PTPRN2: variants seen among roughly 807,000 people sequenced by gnomAD.
PTPRN2 encodes the protein protein tyrosine phosphatase receptor type N2, also known as receptor-type tyrosine-protein phosphatase N2.
Under a neutral mutation model 118.8 loss-of-function variants are expected in PTPRN2, and 74 were observed. That is an observed-to-expected ratio of 0.62 (90% CI 0.52 to 0.76). PTPRN2 has a LOEUF of 0.76. PTPRN2 is among the 30% of genes least tolerant of loss of function. The pLI is 0.00. For missense variants in PTPRN2, 1,481 were observed against 1,394.4 expected (o/e 1.06, Z -0.99); for synonymous variants, 641 against 608.0 (o/e 1.05, Z -0.80).
chr7:158,384,643 T>C (rs1811195123), intron 2 of PTPRN2, among the ~76,000 whole-genome samples: 1 of 152,132 alleles, frequency 6.6e-6, no homozygotes, highest in Non-Finnish European at 1.5e-5. Flanking sequence ...GCCAGAAGGG[T>C]GTTTGTGGGA....
chr7:158,583,793 C>G (rs1371625575), intron 1 of PTPRN2, among the ~76,000 whole-genome samples: 1 of 152,166 alleles, frequency 6.6e-6, no homozygotes, highest in Non-Finnish European at 1.5e-5. Flanking sequence ...CAGGGAACAA[C>G]AGGCAGAGAA....
intron 2 of PTPRN2, among the ~76,000 whole-genome samples, chr7:158,468,569 C>T (rs1278289803): frequency 6.6e-6 from 1 of 151,442 alleles, no homozygotes; most frequent in Non-Finnish European, 1.5e-5. Flanking sequence ...CCAGGTGTTT[C>T]CAGGTGTTAC....
intron 3 of PTPRN2, among the ~76,000 whole-genome samples, chr7:158,314,588 C>T (rs531430280): frequency 6.6e-6 from 1 of 152,268 alleles, no homozygotes; most frequent in Non-Finnish European, 1.5e-5. Flanking sequence ...GCCCTGGAGG[C>T]TCCCGTGGGG....
At chr7:157,544,053 A>G (rs2116956052) in intron 22 of PTPRN2, among the ~76,000 whole-genome samples, 1 of 152,028 alleles carries the variant, frequency 6.6e-6, no homozygotes, top group South Asian at 2.1e-4. Context: ...AGAGAGGTGG[A>G]GAGAGACGGA....
At chr7:158,150,235 T>C (rs77962296) in intron 6 of PTPRN2, among the ~76,000 whole-genome samples, 140 of 152,204 alleles carry the variant, frequency 9.2e-4, no homozygotes, top group African/African-American at 3.0e-3. Context: ...GGCAGAAAAA[T>C]AGATGGATGT....
intron 11 of PTPRN2, among the ~76,000 whole-genome samples, chr7:157,943,218 G>C (rs1232366006): frequency 1.3e-5 from 2 of 152,126 alleles, no homozygotes; most frequent in African/African-American, 4.8e-5. Flanking sequence ...TCACAGCCTG[G>C]GGAAGCGATG....
intron 12 of PTPRN2, among the ~76,000 whole-genome samples, chr7:157,697,429 C>G (rs1219278485): frequency 8.3e-6 from 1 of 119,804 alleles, no homozygotes; most frequent in African/African-American, 3.4e-5. Context: ...CTTAGTAGAG[C>G]CCTCACCATC....
chr7:157,970,629 A>C (rs114693217), intron 11 of PTPRN2, among the ~76,000 whole-genome samples: 1 of 124,998 alleles, frequency 8.0e-6, no homozygotes, highest in East Asian at 2.5e-4. Flanking sequence ...TGTCACGCTC[A>C]GAGCGGACCC....
intron 2 of PTPRN2, among the ~76,000 whole-genome samples, chr7:158,420,041 C>T (rs1248493877): frequency 1.3e-5 from 2 of 152,172 alleles, no homozygotes; most frequent in Non-Finnish European, 2.9e-5. Context: ...AGGACCTGAC[C>T]CCTAAGGTCT....
intron 3 of PTPRN2, among the ~76,000 whole-genome samples, chr7:158,296,108 G>C (rs1800482533): frequency 6.6e-6 from 1 of 152,092 alleles, no homozygotes; most frequent in African/African-American, 2.4e-5. Flanking sequence ...AGGCATTTTT[G>C]TTTTTGTGCC....
At chr7:158,523,564 T>C (rs1166846855) in intron 1 of PTPRN2, among the ~76,000 whole-genome samples, 2,626 of 64,116 alleles carry the variant, frequency 0.041, 325 homozygotes, top group Middle Eastern at 0.11. Context: ...TGCCCTGGAG[T>C]GGAGTCGTCT....
At chr7:157,925,468 C>G (rs7779288) in intron 11 of PTPRN2, among the ~76,000 whole-genome samples, 91,751 of 151,724 alleles carry the variant, frequency 0.6, 27,928 homozygotes, top group African/African-American at 0.67. Context: ...ACGGCTGTCA[C>G]AATAGCCCTT....
intron 12 of PTPRN2, among the ~76,000 whole-genome samples, chr7:157,767,838 T>G (rs1022972605): frequency 8.5e-5 from 13 of 152,238 alleles, no homozygotes; most frequent in African/African-American, 3.1e-4. Flanking sequence ...TCCAGCTCTG[T>G]GCTCCTTGCT....
intron 12 of PTPRN2, among the ~76,000 whole-genome samples, chr7:157,857,079 A>G (rs1342855895): frequency 2.7e-5 from 4 of 149,576 alleles, no homozygotes; most frequent in Non-Finnish European, 5.9e-5. Flanking sequence ...AGCCGGGGCC[A>G]CAGCACGAGG....
intron 11 of PTPRN2, among the ~76,000 whole-genome samples, chr7:158,077,645 C>T (rs1812479675): frequency 6.6e-6 from 1 of 152,006 alleles, no homozygotes. Context: ...AGCCTGAACT[C>T]GGCCTGAAGG....
intron 6 of PTPRN2, among the ~76,000 whole-genome samples, chr7:158,146,442 C>T (rs1053103724): frequency 7.2e-5 from 11 of 152,076 alleles, no homozygotes; most frequent in Non-Finnish European, 1.5e-5. Flanking sequence ...AAATAATAGG[C>T]TGGGCTTGGT....
chr7:158,269,823 AAG>A (rs1318855987), intron 3 of PTPRN2, among the ~76,000 whole-genome samples: 1 of 151,724 alleles, frequency 6.6e-6, no homozygotes, highest in Non-Finnish European at 1.5e-5. Flanking sequence ...CAGAGATAGA[AAG>A]AGACAGAGGG....
intron 10 of PTPRN2, among the ~76,000 whole-genome samples, chr7:158,090,932 T>C (rs530034826): frequency 6.6e-6 from 1 of 152,242 alleles, no homozygotes; most frequent in Non-Finnish European, 1.5e-5. Context: ...CATGACACTT[T>C]AACCACAGGA....
At chr7:157,826,483 C>T (rs1302678687) in intron 12 of PTPRN2, among the ~76,000 whole-genome samples, 2 of 48,616 alleles carry the variant, frequency 4.1e-5, no homozygotes, top group Admixed American at 4.6e-4. Context: ...GCGCCATTTC[C>T]ACGCGTGCTG....
Sources: allele counts gnomAD v4.1 joint callset (sites outside exome capture counted in the v4.1 genomes callset), GRCh38; gene constraint gnomAD v4.1.1; transcripts MANE v1.5; gene names NCBI Gene and HGNC (gene_info 2026-07-23, HGNC 2026-07-21).